The following PDE9A variants were observed in gnomAD, a reference collection of about 807,000 sequenced individuals.
PDE9A encodes the protein phosphodiesterase 9A.
In PDE9A, 60 loss-of-function variants were observed where a neutral mutation model predicts 87.4. That is an observed-to-expected ratio of 0.69 (90% CI 0.56 to 0.85). PDE9A has a LOEUF of 0.85. Ranked by LOEUF, PDE9A falls within the 40% of genes least tolerant of loss-of-function variation. PDE9A has a pLI of 0.00. For synonymous variants in PDE9A, 272 were observed against 279.4 expected, an observed-to-expected ratio of 0.97 and a Z score of 0.27; for missense variants, 665 against 779.0, an observed-to-expected ratio of 0.85 and a Z score of 1.74.
intron 18 of PDE9A, 69 bp from the exon 19 acceptor site, chr21:42,772,369 TG>T: frequency 9.8e-7 from 1 of 1,019,550 alleles, no homozygotes; most frequent in Non-Finnish European, 1.5e-6. Context: ...CAGAAGCTGC[TG>T]GGAGAGAGGC....
At chr21:42,693,588 CTTT>C (rs371936659) in intron 3 of PDE9A, among the ~76,000 whole-genome samples, 4 of 124,368 alleles carry the variant, frequency 3.2e-5, no homozygotes. Flanking sequence ...CCGCGTCCTA[CTTT>C]TTTTTTTTTT....
At chr21:42,689,037 C>T (rs1262117577) in intron 3 of PDE9A, among the ~76,000 whole-genome samples, 1 of 151,726 alleles carries the variant, frequency 6.6e-6, no homozygotes, top group Non-Finnish European at 1.5e-5. Flanking sequence ...CCGTCCTCAG[C>T]GAGGTCCCCG....
chr21:42,731,645 C>A, intron 4 of PDE9A, 125 bp from the exon 5 acceptor site: 2 of 988,372 alleles, frequency 2.0e-6, no homozygotes, highest in Non-Finnish European at 3.0e-6. Flanking sequence ...CGTGAGAACA[C>A]CGTGTTCTGA....
At chr21:42,745,799 G>T (rs914815841) in intron 8 of PDE9A, among the ~76,000 whole-genome samples, 20 of 152,136 alleles carry the variant, frequency 1.3e-4, no homozygotes, top group African/African-American at 4.6e-4. Context: ...GGTGTAGCAG[G>T]GCCAGCCTTT....
intron 1 of PDE9A, among the ~76,000 whole-genome samples, chr21:42,658,984 C>T (rs549559348): frequency 6.6e-6 from 1 of 152,278 alleles, no homozygotes; most frequent in African/African-American, 2.4e-5. Flanking sequence ...CCTGTCTCCA[C>T]CTGAATTGAA....
chr21:42,769,665 C>T (rs368838094), intron 17 of PDE9A, among the ~76,000 whole-genome samples: 5 of 151,222 alleles, frequency 3.3e-5, no homozygotes, highest in Non-Finnish European at 7.4e-5. Flanking sequence ...CACACATAGG[C>T]ACACAAATGC....
intron 4 of PDE9A, among the ~76,000 whole-genome samples, chr21:42,711,904 TC>T (rs892943438): frequency 4.6e-4 from 70 of 152,178 alleles, no homozygotes; most frequent in Non-Finnish European, 9.1e-4. Context: ...CTGTTCTGCT[TC>T]ATTGATCTAT....
chr21:42,676,333 CA>C (rs879642404), intron 1 of PDE9A, among the ~76,000 whole-genome samples: 3 of 152,204 alleles, frequency 2.0e-5, no homozygotes, highest in Admixed American at 2.0e-4. Context: ...CTTACATCCA[CA>C]ACCACAGTCA....
chr21:42,769,184 T>TG, intron 17 of PDE9A, 29 bp downstream of exon 17: 1 of 1,606,718 alleles, frequency 6.2e-7, no homozygotes, highest in Non-Finnish European at 8.5e-7. Context: ...ATGTCACACT[T>TG]GCTTACACTC....
At chr21:42,751,597 C>T (rs2054431011) in intron 9 of PDE9A, among the ~76,000 whole-genome samples, 1 of 152,178 alleles carries the variant, frequency 6.6e-6, no homozygotes, top group Admixed American at 6.5e-5. Flanking sequence ...CTCTTTTGCA[C>T]AAAAGTGTTC....
intron 1 of PDE9A, among the ~76,000 whole-genome samples, chr21:42,676,967 T>C (rs188827846): frequency 4.6e-5 from 7 of 152,320 alleles, no homozygotes; most frequent in Admixed American, 1.3e-4. Flanking sequence ...GCACCAGCAG[T>C]GAGCTCCACG....
intron 4 of PDE9A, among the ~76,000 whole-genome samples, chr21:42,719,299 C>T (rs2050249777): frequency 6.6e-6 from 1 of 151,610 alleles, no homozygotes; most frequent in Admixed American, 6.6e-5. Flanking sequence ...AAGTTTTAGC[C>T]ATCTACATTA....
chr21:42,689,685 C>G (rs888499605), intron 3 of PDE9A: 7 of 985,302 alleles, frequency 7.1e-6, no homozygotes, highest in Non-Finnish European at 7.2e-6. Flanking sequence ...GCCCCAGGTG[C>G]CTTATTAACA....
chr21:42,752,122 G>A (rs1481818503), intron 9 of PDE9A, among the ~76,000 whole-genome samples: 1 of 152,192 alleles, frequency 6.6e-6, no homozygotes, highest in Non-Finnish European at 1.5e-5. Flanking sequence ...GCTAAACACA[G>A]GTGGGCTCTG....
chr21:42,668,183 C>G (rs1569111132), intron 1 of PDE9A, among the ~76,000 whole-genome samples: 1 of 152,146 alleles, frequency 6.6e-6, no homozygotes, highest in Non-Finnish European at 1.5e-5. Context: ...GTCCTCTCCC[C>G]CAGTGATCCT....
chr21:42,655,498 T>C (rs2056992075), intron 1 of PDE9A, among the ~76,000 whole-genome samples: 1 of 152,054 alleles, frequency 6.6e-6, no homozygotes, highest in South Asian at 2.1e-4. Context: ...TGGGGTGATC[T>C]CCAGAAAAGC....
intron 4 of PDE9A, among the ~76,000 whole-genome samples, chr21:42,720,780 C>T (rs944015982): frequency 2.6e-5 from 4 of 151,904 alleles, no homozygotes; most frequent in Non-Finnish European, 4.4e-5. Flanking sequence ...CCGAGGTGGG[C>T]GGATCACCTG....
intron 4 of PDE9A, chr21:42,724,751 G>A (rs1051736489): frequency 4.6e-6 from 1 of 215,668 alleles, no homozygotes; most frequent in African/African-American, 2.3e-5. Flanking sequence ...ATTGGCCGAG[G>A]TGTGGCTATG....
rs971028411 is a variant in PDE9A at position 42,692,983 on chromosome 21, C to T, written c.218+4989C>T. On this transcript the variant is annotated intron_variant, in intron 3 of 19. Transcript: ENST00000291539. The surrounding 1 kb of genome is among the most constrained non-coding windows in gnomAD (Gnocchi z 4.3). ...CCTCACCACATGTCCAGGAGGGAGC[C>T]GGCATCCTTTGCTGACTTTCTTGCT... is the stretch of plus-strand genomic sequence containing the variant. 6.6e-6 allele frequency among the ~76,000 whole-genome samples: 1 copy of T among 152,206 alleles called. No homozygotes were observed. The highest frequency in any genetic ancestry group is 1.5e-5 in the Non-Finnish European group (1 of 68,042).
Sources: gnomAD v4.1 joint callset for allele counts (sites outside exome capture counted in the v4.1 genomes callset) on GRCh38, gnomAD v4.1.1 for gene constraint, Gnocchi (gnomAD v3.1) non-coding constraint, MANE v1.5 for transcripts, NCBI Gene and HGNC (gene_info 2026-07-23, HGNC 2026-07-21) for gene names.